Variants in ALKBH3 observed in about 807,000 individuals in gnomAD.
ALKBH3 encodes the protein alpha-ketoglutarate-dependent dioxygenase alkB homolog 3.
ALKBH3 carries 51 observed loss-of-function variants against 43.9 expected under a neutral mutation model. The observed-to-expected ratio is 1.16, with a 90% CI of 0.93 to 1.47. The LOEUF (loss-of-function observed/expected upper bound fraction) is 1.47, where lower values mean the gene tolerates loss of function less well. ALKBH3 is among the 40% of genes most tolerant of loss of function. The pLI is 0.00. For synonymous variants in ALKBH3, 102 were observed against 115.2 expected (o/e 0.89, Z 0.73); for missense variants, 361 against 351.9 (o/e 1.03, Z -0.21).
At chr11:43,881,871 C>T (rs893363480) in intron 1 of ALKBH3, among the ~76,000 whole-genome samples, 1 of 152,160 alleles carries the variant, frequency 6.6e-6, no homozygotes, top group Non-Finnish European at 1.5e-5. Context: ...GGTAGCTGTA[C>T]GTGCTTCTGC....
chr11:43,898,972 A>G, intron 7 of ALKBH3: 2 of 752,378 alleles, frequency 2.7e-6, no homozygotes, highest in African/African-American at 1.7e-5. Flanking sequence ...GAGAATGAAG[A>G]CCTCAAGCTC....
intron 8 of ALKBH3, among the ~76,000 whole-genome samples, chr11:43,917,281 G>A (rs753429165): frequency 1.8e-4 from 28 of 152,256 alleles, no homozygotes; most frequent in Non-Finnish European, 2.9e-4. Context: ...GTTTCCAGGT[G>A]GAACTATAGT....
Position 43,883,108 on chromosome 11 carries a change from C to T in ALKBH3, c.103C>T (p.His35Tyr), listed in dbSNP as rs897341979. The part of the protein sequence containing the change: ...QPATTAKSHL[H>Y]QKPGQTWKNK... ...AGCTACCACTGCTAAGAGCCATCTC[C>T]ACCAGAAGCCTGGCCAGACCTGGAA... The change falls in exon 3 of 10, where the codon CAC becomes TAC. Residue 35 changes from histidine (H) to tyrosine (Y), a missense_variant. Physicochemically the swap from His to Tyr is moderately conservative, Grantham distance 83. Coordinates refer to ENST00000302708, the MANE Select transcript of ALKBH3 (RefSeq NM_139178.4). The T allele has an allele frequency of 1.2e-6, 2 of 1,614,004 alleles. No homozygotes were observed. The highest frequency in any genetic ancestry group is 2.7e-5 in the African/African-American group (2 of 74,930).
intron 8 of ALKBH3, chr11:43,918,667 CA>C (rs1418801621): frequency 5.9e-6 from 1 of 168,758 alleles, no homozygotes; most frequent in African/African-American, 2.4e-5. Flanking sequence ...AATTCTTGTA[CA>C]GGTGACTTTT....
In ALKBH3 at chr11:43,920,091, T is replaced by C; in HGVS notation, c.*81T>C. On this transcript the variant is annotated 3_prime_UTR_variant, in exon 10 of 10. Coordinates refer to ENST00000302708, the MANE Select transcript of ALKBH3 (RefSeq NM_139178.4). ...AGCCACTTCAAGAGGCTGGTGCTGC[T>C]AGATCTCATGATGTGGCTGTTGGGA... 1 of 1,307,918 alleles carries C rather than the reference T, an allele frequency of 7.6e-7. No individual in the cohort carries two copies. Among genetic ancestry groups the C allele is most frequent in the East Asian group, 2.3e-5 (1 of 42,982 alleles). The allele number at this position is 1,307,918 out of a possible 1,614,324, so 81.0% of individuals were successfully genotyped here.
intron 7 of ALKBH3, 118 bp downstream of exon 7, chr11:43,892,247 C>T: frequency 1.2e-6 from 1 of 834,346 alleles, no homozygotes; most frequent in Non-Finnish European, 1.9e-6. Context: ...TTCAAAAAAC[C>T]TCTCTGGGTT....
At chr11:43,899,556 C>T (rs1951845790) in intron 7 of ALKBH3, 2 of 659,794 alleles carry the variant, frequency 3.0e-6, no homozygotes, top group Admixed American at 2.0e-5. Flanking sequence ...CCATGATTTC[C>T]AGCTAGTGCC....
intron 8 of ALKBH3, among the ~76,000 whole-genome samples, chr11:43,915,201 C>T (rs1454830179): frequency 6.8e-6 from 1 of 147,600 alleles, no homozygotes; most frequent in Non-Finnish European, 1.5e-5. Flanking sequence ...GAGTGAGACT[C>T]TGTCTCAAAA....
intron 7 of ALKBH3, chr11:43,898,767 G>T: frequency 4.0e-6 from 3 of 745,296 alleles, no homozygotes; most frequent in Non-Finnish European, 5.0e-6. Context: ...TGCTCTGGAC[G>T]CTGGTTAGTC....
In ALKBH3 at chr11:43,883,835, CA is replaced by C. The variant is rs1371241433; in HGVS notation, c.184-146del. ...GAAGTAGTTTTAAGAAGAGTGGAGA[CA>C]AGGGTCTCTAGTGGGTTAGTGAGAA... On this transcript the variant is annotated intron_variant, in intron 3 of 9. Transcript: ENST00000302708. The C allele has an allele frequency of 3.8e-6, 3 of 779,676 alleles. No homozygotes were observed. The African/African-American group carries it at 5.4e-5, about 14-fold the overall frequency. 48.3% of individuals were successfully genotyped at this position (779,676 alleles called of 1,614,324 possible).
intron 8 of ALKBH3, among the ~76,000 whole-genome samples, chr11:43,906,594 A>AC (rs1951897558): frequency 6.6e-6 from 1 of 152,134 alleles, no homozygotes; most frequent in African/African-American, 2.4e-5. Context: ...CTCACCTGCA[A>AC]CCCCAGCACT....
chr11:43,898,818 T>C (rs1286757043), intron 7 of ALKBH3: 1 of 765,918 alleles, frequency 1.3e-6, no homozygotes, highest in African/African-American at 1.7e-5. Flanking sequence ...TCCTCATTTA[T>C]GCAGGAAATG....
At chr11:43,906,786 A>T (rs1468421196) in intron 8 of ALKBH3, among the ~76,000 whole-genome samples, 2 of 152,208 alleles carry the variant, frequency 1.3e-5, no homozygotes, top group Non-Finnish European at 2.9e-5. Flanking sequence ...ACACTTTCTA[A>T]TGAAATTTTA....
At chr11:43,898,877 A>G (rs1669876940) in intron 7 of ALKBH3, 1 of 757,696 alleles carries the variant, frequency 1.3e-6, no homozygotes, top group Non-Finnish European at 2.5e-6. Flanking sequence ...AGATTATTTC[A>G]GATTTCCTGA....
chr11:43,913,884 T>G (rs1335904256), intron 8 of ALKBH3, among the ~76,000 whole-genome samples: 5 of 152,286 alleles, frequency 3.3e-5, no homozygotes, highest in Admixed American at 3.3e-4. Context: ...TTGCGAAAAT[T>G]TATAACTCAG....
intron 8 of ALKBH3, chr11:43,909,744 A>G (rs1165141115): frequency 6.6e-6 from 1 of 152,218 alleles, no homozygotes; most frequent in East Asian, 1.9e-4. Context: ...CCAGCGGGCT[A>G]GAGAAATCTC....
At chr11:43,897,726 C>T (rs1216265710) in intron 7 of ALKBH3, 28 of 803,430 alleles carry the variant, frequency 3.5e-5, no homozygotes, top group East Asian at 3.4e-4. Flanking sequence ...TTCTCGGGAA[C>T]GTACTTTGCA....
At chr11:43,890,842 A>G (rs1355928296) in intron 6 of ALKBH3, among the ~76,000 whole-genome samples, 1 of 152,080 alleles carries the variant, frequency 6.6e-6, no homozygotes, top group African/African-American at 2.4e-5. Context: ...CCAGCCTGGT[A>G]ATAGAGTGAG....
In ALKBH3 at chr11:43,889,269, C is replaced by G. The variant is rs557818442; in HGVS notation, c.267-456C>G. Among the ~76,000 whole-genome samples, 188 of 152,340 alleles carry G rather than the reference C, an allele frequency of 1.2e-3. 1 individual carries two copies. Among genetic ancestry groups the G allele is most frequent in the African/African-American group, 4.4e-3 (184 of 41,576 alleles). On this transcript the variant is annotated intron_variant, in intron 5 of 9. Coordinates refer to ENST00000302708, the MANE Select transcript of ALKBH3 (RefSeq NM_139178.4). ...CGAACTCCTGACCTCAGGTGATCCA[C>G]CCGCTTGAGCCTCCCAAAGTGCTGG...
Sources: allele counts gnomAD v4.1 joint callset (sites outside exome capture counted in the v4.1 genomes callset), GRCh38; gene constraint gnomAD v4.1.1; transcripts MANE v1.5; gene names NCBI Gene and HGNC (gene_info 2026-07-23, HGNC 2026-07-21).